Variants in FOXK1 observed in about 807,000 individuals in gnomAD.
The protein encoded by FOXK1 is forkhead box K1, also known as forkhead box protein K1.
FOXK1 carries 19 observed loss-of-function variants against 51.9 expected under a neutral mutation model. The ratio of observed to expected loss-of-function variants is 0.37; its 90% CI spans 0.26 to 0.54. FOXK1 has a LOEUF of 0.54. Ranked by LOEUF, FOXK1 falls within the 20% of genes least tolerant of loss-of-function variation. The pLI, the probability that FOXK1 is intolerant of heterozygous loss-of-function variation, is 0.87. For synonymous variants in FOXK1, 537 were observed against 482.6 expected (o/e 1.11, Z -1.48); for missense variants, 870 against 1,032.7 (o/e 0.84, Z 2.16).
rs141896171 is a variant in FOXK1 at position 4,707,954 on chromosome 7, A to T, written c.560+25086A>T. Among the ~76,000 whole-genome samples, 2,155 of 152,158 alleles carry T rather than the reference A, an allele frequency of 0.014. 51 individuals carry two copies. Among genetic ancestry groups the T allele is most frequent in the African/African-American group, 0.05 (2,057 of 41,492 alleles). On this transcript the variant is annotated intron_variant, in intron 1 of 8. Transcript: ENST00000328914. This position sits in a 1 kb window ranked among gnomAD's most constrained non-coding sequence, Gnocchi z 4.1. ...CTCCTCAGCCTCCCAAAGTGCTGGG[A>T]TTACACCCATGAGCCACTGCGCTCA...
rs147688071 is a variant in FOXK1, at chr7:4,701,850, G to A, written c.560+18982G>A. Among the ~76,000 whole-genome samples, 53 of 152,328 alleles carry A rather than the reference G, an allele frequency of 3.5e-4. No homozygotes were observed. In the East Asian group the frequency reaches 5.4e-3, roughly 16 times the overall value. ...GGAGTTTGCAGTGAGCGGAGATCGC[G>A]CCACTGCACTCCAGCCTGGGCGATA... On this transcript the variant is annotated intron_variant, in intron 1 of 8. Transcript: ENST00000328914.
In FOXK1 at chr7:4,683,076, C is replaced by T. The variant is rs114044480; in HGVS notation, c.560+208C>T. Among the ~76,000 whole-genome samples, 3,329 of 149,884 alleles carry T rather than the reference C, an allele frequency of 0.022. 123 individuals are homozygous for T. Among genetic ancestry groups the T allele is most frequent in the African/African-American group, 0.077 (3,128 of 40,688 alleles). On this transcript the variant is annotated intron_variant, in intron 1 of 8. Coordinates refer to ENST00000328914, the MANE Select transcript of FOXK1 (RefSeq NM_001037165.2). The surrounding 1 kb of genome is among the most constrained non-coding windows in gnomAD (Gnocchi z 4.5). The stretch of plus-strand genomic sequence containing the variant: ...TCCCTAGGATCACCCCGACCCCGAT[C>T]CTGGAGGCTCCAGCCTGAGGATCTC...
intron 2 of FOXK1, among the ~76,000 whole-genome samples, chr7:4,746,612 C>T (rs1780705740): frequency 6.6e-6 from 1 of 152,206 alleles, no homozygotes; most frequent in Non-Finnish European, 1.5e-5. Flanking sequence ...CGCTTGAGCC[C>T]AGCAGTTGGA....
Position 4,745,012 on chromosome 7 carries a change from C to G in FOXK1, c.746+3989C>G, listed in dbSNP as rs1169597274. 6.6e-6 allele frequency among the ~76,000 whole-genome samples: 1 copy of G among 152,232 alleles called. No homozygotes were observed. The highest frequency in any genetic ancestry group is 1.5e-5 in the Non-Finnish European group (1 of 68,032). On this transcript the variant is annotated intron_variant, in intron 2 of 8. Transcript: ENST00000328914. The surrounding 1 kb of genome is among the most constrained non-coding windows in gnomAD (Gnocchi z 4.3). ...CCTTGAGGTTTTCCCTGCCAAGATACTTTTCAGTTTGAGTTTCTGCTGTAG... is the reference window on the plus strand; with the variant it reads ...CCTTGAGGTTTTCCCTGCCAAGATAGTTTTCAGTTTGAGTTTCTGCTGTAG...
At chr7:4,738,338 G>A (rs1281023591) in intron 1 of FOXK1, among the ~76,000 whole-genome samples, 2 of 151,720 alleles carry the variant, frequency 1.3e-5, no homozygotes, top group Non-Finnish European at 2.9e-5. Flanking sequence ...TTGGGAGGCT[G>A]AGGCAGCAGA....
In FOXK1 at chr7:4,683,406, C is replaced by T. The variant is rs538326829; in HGVS notation, c.560+538C>T. ...CCCTGCCTAAACACGCAAGGTTAAC[C>T]GCGACCCCCACTTCCTAGGCCCCCC... On this transcript the variant is annotated intron_variant, in intron 1 of 8. Transcript: ENST00000328914. This position sits in a 1 kb window ranked among gnomAD's most constrained non-coding sequence, Gnocchi z 4.5. Among the ~76,000 whole-genome samples, 110 of 151,878 alleles carry T rather than the reference C, an allele frequency of 7.2e-4. No homozygotes were observed. The highest frequency in any genetic ancestry group is 2.6e-3 in the African/African-American group (109 of 41,390).
chr7:4,753,201 G>C lies in FOXK1; in HGVS notation c.747-1258G>C, dbSNP rs1437018671. 6.6e-6 allele frequency among the ~76,000 whole-genome samples: 1 copy of C among 152,168 alleles called. No individual in the cohort carries two copies. The highest frequency in any genetic ancestry group is 1.5e-5 in the Non-Finnish European group (1 of 68,036). Reference sequence around the variant, plus strand: ...ACTGATCATTAATGTCAGCTGTCAGGTTTTTCTCAGCCACAGGATTTTTTT... The same window carrying C: ...ACTGATCATTAATGTCAGCTGTCAGCTTTTTCTCAGCCACAGGATTTTTTT... On this transcript the variant is annotated intron_variant, in intron 2 of 8. Transcript: ENST00000328914. This position sits in a 1 kb window ranked among gnomAD's most constrained non-coding sequence, Gnocchi z 4.9.
Position 4,682,886 on chromosome 7 carries a change from C to CCGGG in FOXK1, c.560+19_560+20insGGGC, listed in dbSNP as rs752323113. 1 of 1,441,276 alleles carries CCGGG rather than the reference C, an allele frequency of 6.9e-7. No individual in the cohort carries two copies. Among genetic ancestry groups the CCGGG allele is most frequent in the Non-Finnish European group, 9.1e-7 (1 of 1,094,974 alleles). The allele number at this position is 1,441,276 out of a possible 1,614,324, so 89.3% of individuals were successfully genotyped here. A position where few individuals can be genotyped will look rare whatever the true frequency, so the allele number is the denominator to read the frequency against. The stretch of plus-strand genomic sequence containing the variant: ...CCCAAGCAGTGAGTGGCCCCGCGAC[C>CCGGG]CCCGCCGCCCGCACCCGGGGCTCGC... On this transcript the variant is annotated intron_variant, in intron 1 of 8. Coordinates refer to ENST00000328914, the MANE Select transcript of FOXK1 (RefSeq NM_001037165.2). This position sits in a 1 kb window ranked among gnomAD's most constrained non-coding sequence, Gnocchi z 7.6.
At position 4,723,544 on chromosome 7, in the gene FOXK1, C is replaced by T. The variant is rs531207550; in HGVS notation, c.561-17294C>T. Among the ~76,000 whole-genome samples, 74 of 152,292 alleles carry T rather than the reference C, an allele frequency of 4.9e-4. No individual in the cohort carries two copies. The highest frequency in any genetic ancestry group is 9.6e-4 in the Non-Finnish European group (65 of 68,022). On this transcript the variant is annotated intron_variant, in intron 1 of 8. Transcript: ENST00000328914. This position sits in a 1 kb window ranked among gnomAD's most constrained non-coding sequence, Gnocchi z 4.7. ...TGCCTCTAGGGCCTGTCCATCCCGT[C>T]AGCCCACGGTGCCTCTACAAACACA...
At chr7:4,740,429 C>CA (rs1240501310) in intron 1 of FOXK1, among the ~76,000 whole-genome samples, 246 of 126,850 alleles carry the variant, frequency 1.9e-3, no homozygotes, top group Non-Finnish European at 2.9e-3. Context: ...GACTCCCTCT[C>CA]AAAAAAAAAA....
At position 4,687,284 on chromosome 7, in the gene FOXK1, T is replaced by C. The variant is rs565645145; in HGVS notation, c.560+4416T>C. ...TATCCAACTGAATTCTTGGTTTGTT[T>C]GTTTTCGTTTTCGTTTTTGTTTTTT... On this transcript the variant is annotated intron_variant, in intron 1 of 8. Coordinates refer to ENST00000328914, the MANE Select transcript of FOXK1 (RefSeq NM_001037165.2). Among the ~76,000 whole-genome samples the C allele has an allele frequency of 7.5e-4, 114 of 151,496 alleles. 1 individual carries two copies. The Middle Eastern group carries it at 0.014, about 18-fold the overall frequency.
chr7:4,694,897 A>G (rs544098255), intron 1 of FOXK1, among the ~76,000 whole-genome samples: 79 of 152,314 alleles, frequency 5.2e-4, no homozygotes, highest in Admixed American at 2.0e-3. Flanking sequence ...ACACCCTCCC[A>G]TCCTGTGACT....
At chr7:4,684,711 C>T (rs1779797207) in intron 1 of FOXK1, among the ~76,000 whole-genome samples, 1 of 152,168 alleles carries the variant, frequency 6.6e-6, no homozygotes, top group African/African-American at 2.4e-5. Flanking sequence ...TTATATAACT[C>T]AGGTTCACTA....
At position 4,763,031 on chromosome 7, in the gene FOXK1, C is replaced by G. The variant is rs1349605991; in HGVS notation, c.*567C>G. 6.5e-6 allele frequency: 1 copy of G among 154,246 alleles called. No individual in the cohort carries two copies. The highest frequency in any genetic ancestry group is 1.4e-5 in the Non-Finnish European group (1 of 69,170). The allele number at this position is 154,246 out of a possible 1,614,324, so 9.6% of individuals were successfully genotyped here. A position where few individuals can be genotyped will look rare whatever the true frequency, so the allele number is the denominator to read the frequency against. ...GGGTGTCCGATTTCACTTCAGACCC[C>G]AAGTTTTTCTTTGTTTGTTTAAACA... On this transcript the variant is annotated 3_prime_UTR_variant, in exon 9 of 9. Coordinates refer to ENST00000328914, the MANE Select transcript of FOXK1 (RefSeq NM_001037165.2).
rs1257711311 is a variant in FOXK1, at chr7:4,745,035, T to C, written c.746+4012T>C. On this transcript the variant is annotated intron_variant, in intron 2 of 8. Transcript: ENST00000328914. The surrounding 1 kb of genome is among the most constrained non-coding windows in gnomAD (Gnocchi z 4.3). Reference sequence around the variant, plus strand: ...TACTTTTCAGTTTGAGTTTCTGCTGTAGGGTGGAGCCGGCGTGTTTACAAA... The same window carrying C: ...TACTTTTCAGTTTGAGTTTCTGCTGCAGGGTGGAGCCGGCGTGTTTACAAA... Among the ~76,000 whole-genome samples the C allele has an allele frequency of 6.6e-6, 1 of 152,236 alleles. No individual in the cohort carries two copies. The highest frequency in any genetic ancestry group is 1.5e-5 in the Non-Finnish European group (1 of 68,036).
Position 4,705,333 on chromosome 7 carries a change from G to A in FOXK1, c.560+22465G>A, listed in dbSNP as rs140894056. ...CTCCCCAGTAGCTGGGACTACAGGC[G>A]CATGCCATCACCCTGGCCAACTTTT... On this transcript the variant is annotated intron_variant, in intron 1 of 8. Coordinates refer to ENST00000328914, the MANE Select transcript of FOXK1 (RefSeq NM_001037165.2). Among the ~76,000 whole-genome samples, 161 of 151,810 alleles carry A rather than the reference G, an allele frequency of 1.1e-3. 1 individual carries two copies. In the Middle Eastern group the frequency reaches 0.014, roughly 13 times the overall value.
At chr7:4,696,963 G>A (rs190865791) in intron 1 of FOXK1, among the ~76,000 whole-genome samples, 2 of 152,298 alleles carry the variant, frequency 1.3e-5, no homozygotes, top group Non-Finnish European at 2.9e-5. Context: ...AGCTACACGG[G>A]AGACAGAGGC....
rs147267289 is a variant in FOXK1, at chr7:4,727,980, T to C, written c.561-12858T>C. 6.6e-3 allele frequency among the ~76,000 whole-genome samples: 1,003 copies of C among 152,256 alleles called. 15 individuals carry two copies. The highest frequency in any genetic ancestry group is 0.014 in the African/African-American group (566 of 41,546). On this transcript the variant is annotated intron_variant, in intron 1 of 8. Transcript: ENST00000328914. ...TTTGCCGATTGGACTGGCATTGGTA[T>C]AGACAGATACCAATCACTGCACAGA...
chr7:4,721,598 T>C (rs538995595), intron 1 of FOXK1, among the ~76,000 whole-genome samples: 2 of 144,776 alleles, frequency 1.4e-5, no homozygotes, highest in African/African-American at 2.5e-5. Flanking sequence ...TCTTTTTTTT[T>C]TTTTTTTTTT....
Sources: gnomAD v4.1 joint callset for allele counts (sites outside exome capture counted in the v4.1 genomes callset) on GRCh38, gnomAD v4.1.1 for gene constraint, Gnocchi (gnomAD v3.1) non-coding constraint, MANE v1.5 for transcripts, NCBI Gene and HGNC (gene_info 2026-07-23, HGNC 2026-07-21) for gene names.